GPC6: variants seen among roughly 807,000 people sequenced by gnomAD.
GPC6 encodes the protein glypican 6.
GPC6 carries 14 observed loss-of-function variants against 55.2 expected under a neutral mutation model. The observed-to-expected ratio is 0.25, with a 90% CI of 0.17 to 0.40. The LOEUF (loss-of-function observed/expected upper bound fraction) is 0.40, where lower values mean the gene tolerates loss of function less well. Ranked by LOEUF, GPC6 falls within the 10% of genes least tolerant of loss-of-function variation. GPC6 has a pLI of 1.00. For synonymous variants in GPC6, 278 were observed against 259.6 expected, an observed-to-expected ratio of 1.07 and a Z score of -0.68; for missense variants, 641 against 708.5, an observed-to-expected ratio of 0.90 and a Z score of 1.08.
intron 3 of GPC6, among the ~76,000 whole-genome samples, chr13:93,930,397 G>A (rs1258040819): frequency 1.3e-5 from 2 of 150,382 alleles, no homozygotes; most frequent in African/African-American, 4.9e-5. Flanking sequence ...TCAGCCTCCC[G>A]AGTAGCTGGG....
chr13:93,588,727 CACTAT>C (rs1195043050), intron 2 of GPC6, among the ~76,000 whole-genome samples: 4 of 152,132 alleles, frequency 2.6e-5, no homozygotes, highest in African/African-American at 9.7e-5. Flanking sequence ...CATGGGCACT[CACTAT>C]CATGCGGACA....
At chr13:94,321,481 G>C (rs1876821577) in intron 6 of GPC6, among the ~76,000 whole-genome samples, 1 of 152,122 alleles carries the variant, frequency 6.6e-6, no homozygotes, top group Non-Finnish European at 1.5e-5. Context: ...AATTCTTTGA[G>C]AAATTGCCAC....
intron 2 of GPC6, among the ~76,000 whole-genome samples, chr13:93,701,953 A>C (rs747398494): frequency 2.0e-5 from 3 of 152,040 alleles, no homozygotes; most frequent in Admixed American, 6.6e-5. Context: ...GTTGGAATCA[A>C]CTTTCTCCAA....
chr13:94,396,130 C>A (rs1880887437), intron 7 of GPC6, among the ~76,000 whole-genome samples: 1 of 152,288 alleles, frequency 6.6e-6, no homozygotes, highest in African/African-American at 2.4e-5. Flanking sequence ...CCCCTGGGGC[C>A]CCCTCTCCTG....
At chr13:93,951,006 A>G (rs1879230025) in intron 3 of GPC6, among the ~76,000 whole-genome samples, 1 of 152,114 alleles carries the variant, frequency 6.6e-6, no homozygotes, top group African/African-American at 2.4e-5. Flanking sequence ...ATGAATTTGG[A>G]AAGGTCATGT....
At chr13:93,759,731 A>G (rs1345127479) in intron 2 of GPC6, among the ~76,000 whole-genome samples, 1 of 152,180 alleles carries the variant, frequency 6.6e-6, no homozygotes, top group Non-Finnish European at 1.5e-5. Context: ...CTATAGTAAT[A>G]TCTTAATTTC....
chr13:94,165,233 C>CAT (rs898583493), intron 4 of GPC6, among the ~76,000 whole-genome samples: 83 of 145,908 alleles, frequency 5.7e-4, no homozygotes, highest in African/African-American at 1.8e-3. Flanking sequence ...GAATACTATT[C>CAT]ATATATATAT....
chr13:93,894,953 A>G (rs1566590768), intron 3 of GPC6, among the ~76,000 whole-genome samples: 1 of 151,672 alleles, frequency 6.6e-6, no homozygotes, highest in African/African-American at 2.4e-5. Flanking sequence ...TTTTAGTAAC[A>G]TTTTAAAGTT....
intron 2 of GPC6, among the ~76,000 whole-genome samples, chr13:93,560,107 C>G (rs1010741084): frequency 6.6e-6 from 1 of 152,062 alleles, no homozygotes; most frequent in African/African-American, 2.4e-5. Context: ...ATTAAGGTCT[C>G]TTTATTGGAT....
chr13:94,363,076 T>G (rs1369491274), intron 6 of GPC6, among the ~76,000 whole-genome samples: 2 of 152,088 alleles, frequency 1.3e-5, no homozygotes, highest in Admixed American at 1.3e-4. Context: ...GTGTGTGATG[T>G]TGCCCTTCCC....
At chr13:94,175,352 C>G (rs1407460465) in intron 4 of GPC6, among the ~76,000 whole-genome samples, 1 of 152,174 alleles carries the variant, frequency 6.6e-6, no homozygotes, top group Non-Finnish European at 1.5e-5. Context: ...TATAGCAGCT[C>G]TGTTCCAACA....
At chr13:94,110,594 G>C (rs1244664662) in intron 4 of GPC6, among the ~76,000 whole-genome samples, 1 of 152,050 alleles carries the variant, frequency 6.6e-6, no homozygotes, top group Non-Finnish European at 1.5e-5. Flanking sequence ...TTTTTGAGGT[G>C]TATGTGGCTA....
intron 4 of GPC6, among the ~76,000 whole-genome samples, chr13:94,057,413 A>C (rs1042399244): frequency 2.0e-5 from 3 of 152,186 alleles, no homozygotes; most frequent in East Asian, 1.9e-4. Flanking sequence ...TATCACAGTC[A>C]CGAAATATTT....
chr13:93,244,162 A>G (rs1304971654), intron 1 of GPC6, among the ~76,000 whole-genome samples: 1 of 152,136 alleles, frequency 6.6e-6, no homozygotes, highest in Non-Finnish European at 1.5e-5. Flanking sequence ...TTCGCTGCAT[A>G]AAAGAGTCCA....
chr13:94,294,638 T>A (rs1254272488), intron 5 of GPC6, among the ~76,000 whole-genome samples: 2 of 152,114 alleles, frequency 1.3e-5, no homozygotes, highest in African/African-American at 2.4e-5. Context: ...CAGATCTTTT[T>A]TTTTTCTCCA....
chr13:93,952,723 ATGTGTGTATATGTG>A (rs1321698683), intron 3 of GPC6, among the ~76,000 whole-genome samples: 6 of 150,300 alleles, frequency 4.0e-5, no homozygotes, highest in African/African-American at 1.5e-4. Flanking sequence ...ATTCACCTGT[ATGTGTGTATATGTG>A]TGTGTGTATG....
rs147167202 is a variant in GPC6, at chr13:93,788,832, G to A, written c.320-41322G>A. ...GCAGAGAATCAAGCATAAAAAATAT[G>A]CATCAGATCAATGTTTTAGAAAAAC... On this transcript the variant is annotated intron_variant, in intron 2 of 8. Transcript: ENST00000377047. Among the ~76,000 whole-genome samples, 730 of 152,182 alleles carry A rather than the reference G, an allele frequency of 4.8e-3. 7 individuals are homozygous for A. Among genetic ancestry groups the A allele is most frequent in the African/African-American group, 0.016 (675 of 41,542 alleles).
chr13:93,671,410 C>T (rs753964146), intron 2 of GPC6, among the ~76,000 whole-genome samples: 29 of 152,068 alleles, frequency 1.9e-4, no homozygotes, highest in Non-Finnish European at 3.8e-4. Context: ...ACTTCATATA[C>T]CAATGCTCCA....
intron 3 of GPC6, among the ~76,000 whole-genome samples, chr13:93,844,743 G>A (rs1450415316): frequency 2.1e-5 from 3 of 145,644 alleles, no homozygotes; most frequent in Non-Finnish European, 4.5e-5. Flanking sequence ...GAATGGTAAT[G>A]CCTAGGTTTT....
Sources: gnomAD v4.1 joint callset for allele counts (sites outside exome capture counted in the v4.1 genomes callset) on GRCh38, gnomAD v4.1.1 for gene constraint, MANE v1.5 for transcripts, NCBI Gene and HGNC (gene_info 2026-07-23, HGNC 2026-07-21) for gene names.